Variants in ECPAS observed in about 807,000 individuals in gnomAD.
The protein encoded by ECPAS is Ecm29 proteasome adaptor and scaffold, also known as proteasome adapter and scaffold protein ECM29.
In ECPAS, 70 loss-of-function variants were observed where a neutral mutation model predicts 255.1. That is an observed-to-expected ratio of 0.27 (90% CI 0.23 to 0.33). ECPAS has a LOEUF of 0.33. ECPAS is among the 10% of genes least tolerant of loss of function. The pLI is 1.00. For missense variants in ECPAS, 1,817 were observed against 2,206.4 expected (o/e 0.82, Z 3.54); for synonymous variants, 784 against 775.0 (o/e 1.01, Z -0.19).
chr9:111,483,940 C>G, intron 1 of ECPAS, 176 bp downstream of exon 1: 1 of 910,358 alleles, frequency 1.1e-6, no homozygotes, highest in Non-Finnish European at 1.3e-6. Flanking sequence ...CCGGGCCCCT[C>G]GCGCGCCCGC....
chr9:111,377,787 G>A (rs1456273018), intron 36 of ECPAS, among the ~76,000 whole-genome samples: 1 of 152,168 alleles, frequency 6.6e-6, no homozygotes, highest in Non-Finnish European at 1.5e-5. Context: ...CCTTCTATGG[G>A]ATTACTTTCT....
At chr9:111,408,717 A>G (rs932467400) in intron 23 of ECPAS, 45 bp from the exon 24 acceptor site, 3 of 1,200,222 alleles carry the variant, frequency 2.5e-6, no homozygotes, top group Non-Finnish European at 3.5e-6. Context: ...AGTATATAAT[A>G]GCTTTACCCC....
At chr9:111,472,836 T>C (rs1046924657) in intron 2 of ECPAS, 61 bp downstream of exon 2, 4 of 469,404 alleles carry the variant, frequency 8.5e-6, no homozygotes, top group African/African-American at 4.3e-5. Flanking sequence ...TGATAACCTA[T>C]GCATTTTTAA....
intron 10 of ECPAS, among the ~76,000 whole-genome samples, chr9:111,426,701 A>G (rs2131823987): frequency 6.6e-6 from 1 of 151,926 alleles, no homozygotes; most frequent in Admixed American, 6.6e-5. Flanking sequence ...CTTCAAAAAA[A>G]AAAAAAAAAA....
At chr9:111,446,602 T>TA (rs74726874) in intron 3 of ECPAS, among the ~76,000 whole-genome samples, 19,308 of 152,200 alleles carry the variant, frequency 0.13, 1,514 homozygotes, top group East Asian at 0.34. Flanking sequence ...GAATGAATGA[T>TA]AAATAGTAAT....
At chr9:111,448,865 C>G (rs2098256645) in intron 3 of ECPAS, among the ~76,000 whole-genome samples, 5 of 152,108 alleles carry the variant, frequency 3.3e-5, no homozygotes, top group African/African-American at 9.7e-5. Context: ...ATCAACATAA[C>G]TATTACATAT....
chr9:111,460,440 ACTATTACCAATT>A, intron 2 of ECPAS, among the ~76,000 whole-genome samples: 1 of 152,344 alleles, frequency 6.6e-6, no homozygotes, highest in South Asian at 2.1e-4. Context: ...AAAGATGTTC[ACTATTACCAATT>A]CTATTCAAAT....
chr9:111,405,613 T>C (rs1367112012), intron 24 of ECPAS, among the ~76,000 whole-genome samples: 1 of 149,860 alleles, frequency 6.7e-6, no homozygotes, highest in Non-Finnish European at 1.5e-5. Context: ...AGACAACCTA[T>C]GGCATAGACG....
intron 1 of ECPAS, among the ~76,000 whole-genome samples, chr9:111,477,220 T>A (rs979976517): frequency 6.6e-6 from 1 of 152,052 alleles, no homozygotes; most frequent in Non-Finnish European, 1.5e-5. Flanking sequence ...GCAATTCTCC[T>A]GCCTCAGCCT....
At chr9:111,399,583 AC>A (rs1474887593) in intron 24 of ECPAS, among the ~76,000 whole-genome samples, 3 of 152,192 alleles carry the variant, frequency 2.0e-5, no homozygotes, top group African/African-American at 7.2e-5. Context: ...ACTGAGAGGA[AC>A]CCAAGTCAGC....
intron 24 of ECPAS, among the ~76,000 whole-genome samples, chr9:111,401,339 C>T (rs936822443): frequency 3.3e-5 from 5 of 152,062 alleles, no homozygotes; most frequent in Admixed American, 6.6e-5. Flanking sequence ...ACCGTGATGG[C>T]GACCTTGAGC....
At position 111,407,122 on chromosome 9, in the gene ECPAS, C is replaced by T. The variant is rs575622391; in HGVS notation, c.2652+1449G>A. Among the ~76,000 whole-genome samples, 6 of 146,398 alleles carry T rather than the reference C, an allele frequency of 4.1e-5. 1 individual carries two copies. The highest frequency in any genetic ancestry group is 1.6e-4 in the African/African-American group (6 of 37,630). On this transcript the variant is annotated intron_variant, in intron 24 of 49. Coordinates refer to ENST00000684092, the MANE Select transcript of ECPAS (RefSeq NM_001364929.1). ...TTCATTAAAAAAAAAACAAAACAGG[C>T]TGGGTGCAGTGGTTCACATCTGTAA...
Position 111,420,135 on chromosome 9 carries a change from AACAT to A in ECPAS, c.1456-19_1456-16del. 6.3e-7 allele frequency: 1 copy of A among 1,577,780 alleles called. No individual in the cohort carries two copies. The highest frequency in any genetic ancestry group is 1.4e-5 in the African/African-American group (1 of 73,966). On this transcript the variant is annotated splice_polypyrimidine_tract_variant and intron_variant, in intron 15 of 49. Coordinates refer to ENST00000684092, the MANE Select transcript of ECPAS (RefSeq NM_001364929.1). ...TGAACTTCAGGCTATTTCATGTGTA[AACAT>A]ACACAGACCACCCCGATCCGAAAAA...
At chr9:111,402,259 C>T (rs2098177310) in intron 24 of ECPAS, among the ~76,000 whole-genome samples, 1 of 152,196 alleles carries the variant, frequency 6.6e-6, no homozygotes, top group South Asian at 2.1e-4. Context: ...CTTCCCACAA[C>T]ATTCAAATAT....
Position 111,427,743 on chromosome 9 carries a change from C to T in ECPAS, c.1050+299G>A, listed in dbSNP as rs537994739. 6.6e-5 allele frequency among the ~76,000 whole-genome samples: 10 copies of T among 152,208 alleles called. No homozygotes were observed. The South Asian group carries it at 2.1e-3, about 32-fold the overall frequency. On this transcript the variant is annotated intron_variant, in intron 10 of 49. Coordinates refer to ENST00000684092, the MANE Select transcript of ECPAS (RefSeq NM_001364929.1). Reference sequence around the variant, plus strand: ...AAGTTTTGACTGTTTTAATGCAATCCATCACATGAGACCAGGTATGGAATT... The same window carrying T: ...AAGTTTTGACTGTTTTAATGCAATCTATCACATGAGACCAGGTATGGAATT...
In ECPAS at chr9:111,440,358, A is replaced by AT. The variant is rs1564547272; in HGVS notation, c.539+13dup. 6.3e-7 allele frequency: 1 copy of AT among 1,583,350 alleles called. No homozygotes were observed. The highest frequency in any genetic ancestry group is 2.2e-5 in the East Asian group (1 of 44,482). ...AGCAGTCAAGAACAAGGTTGCTTTT[A>AT]TTTTTTAACTCACCCATAAGGCATC... On this transcript the variant is annotated intron_variant, in intron 6 of 49. Transcript: ENST00000684092.
chr9:111,462,738 ATTTTT>A (rs34375105), intron 2 of ECPAS, among the ~76,000 whole-genome samples: 2 of 108,260 alleles, frequency 1.8e-5, no homozygotes, highest in Admixed American at 9.8e-5. Context: ...CATTCATGGA[ATTTTT>A]TTTTTTTTTT....
intron 28 of ECPAS, among the ~76,000 whole-genome samples, chr9:111,392,096 C>T (rs1372607226): frequency 1.3e-5 from 2 of 151,982 alleles, no homozygotes; most frequent in Non-Finnish European, 2.9e-5. Context: ...AAAAATTAGC[C>T]GGGCATGGTG....
At position 111,388,500 on chromosome 9, in the gene ECPAS, C is replaced by G. The variant is rs536120071; in HGVS notation, c.3447+1056G>C. On this transcript the variant is annotated intron_variant, in intron 31 of 49. Transcript: ENST00000684092. ...ACCAGACAGGAGAGACAGGAAGGGG[C>G]CACATTACGGGCAGGGACTTGTAAG... Among the ~76,000 whole-genome samples the G allele has an allele frequency of 7.3e-5, 11 of 150,888 alleles. No homozygotes were observed. The East Asian group carries it at 2.1e-3, about 29-fold the overall frequency.
Sources: gnomAD v4.1 joint callset for allele counts (sites outside exome capture counted in the v4.1 genomes callset) on GRCh38, gnomAD v4.1.1 for gene constraint, MANE v1.5 for transcripts, NCBI Gene and HGNC (gene_info 2026-07-23, HGNC 2026-07-21) for gene names.